The following SSH1 variants were observed in gnomAD, a reference collection of about 807,000 sequenced individuals.
SSH1 encodes slingshot protein phosphatase 1.
In SSH1, 43 loss-of-function variants were observed where a neutral mutation model predicts 79.7. That is an observed-to-expected ratio of 0.54 (90% CI 0.42 to 0.70). The LOEUF is 0.70. Among genes scored for constraint, SSH1 ranks in the 30% least tolerant of loss-of-function variants. The pLI is 0.00. For synonymous variants in SSH1, 599 were observed against 538.3 expected (o/e 1.11, Z -1.56); for missense variants, 1,206 against 1,358.8 (o/e 0.89, Z 1.77).
chr12:108,845,202 AAAAAAAAAAAAGT>A (rs1439407411), intron 2 of SSH1, among the ~76,000 whole-genome samples: 3 of 151,370 alleles, frequency 2.0e-5, no homozygotes, highest in South Asian at 2.1e-4. Flanking sequence ...GAGCAGAAAA[AAAAAAAAAAAAGT>A]AAAAAAAAAA....
intron 5 of SSH1, among the ~76,000 whole-genome samples, chr12:108,814,326 T>C (rs560137531): frequency 2.6e-4 from 39 of 151,768 alleles, no homozygotes; most frequent in Non-Finnish European, 7.4e-5. Flanking sequence ...AAGATGCCCT[T>C]TGGGGGTAAT....
chr12:108,814,867 C>T (rs1055773990), intron 5 of SSH1, among the ~76,000 whole-genome samples: 5 of 151,610 alleles, frequency 3.3e-5, no homozygotes, highest in Non-Finnish European at 2.9e-5. Flanking sequence ...GCCATGGGGG[C>T]GGTGCGGACG....
chr12:108,796,093 T>C (rs1241090510), intron 13 of SSH1, among the ~76,000 whole-genome samples: 1 of 151,974 alleles, frequency 6.6e-6, no homozygotes, highest in Non-Finnish European at 1.5e-5. Flanking sequence ...TTCTTGTATT[T>C]TTAGTAGAGA....
chr12:108,856,113 G>T (rs1237649279), intron 1 of SSH1, among the ~76,000 whole-genome samples: 1 of 152,248 alleles, frequency 6.6e-6, no homozygotes, highest in African/African-American at 2.4e-5. Context: ...CTGGGCCTGG[G>T]ACCGCAGGGC....
At chr12:108,820,419 T>C (rs2038072933) in intron 3 of SSH1, among the ~76,000 whole-genome samples, 1 of 152,190 alleles carries the variant, frequency 6.6e-6, no homozygotes, top group African/African-American at 2.4e-5. Flanking sequence ...GAGCTGGTTC[T>C]TCACCTGCCT....
intron 2 of SSH1, among the ~76,000 whole-genome samples, chr12:108,836,272 T>C (rs997419804): frequency 2.0e-5 from 3 of 152,114 alleles, no homozygotes; most frequent in African/African-American, 7.2e-5. Context: ...TGTGTGTGTA[T>C]GCACGTACAT....
At position 108,809,738 on chromosome 12, in the gene SSH1, G is replaced by T; in HGVS notation, c.491C>A (p.Ala164Glu). Residue 164 changes from alanine to glutamate, a missense_variant, in exon 7 of 15, where the codon GCA becomes GAA. Around this residue, in one of 5 missense-constraint regions of SSH1, gnomAD observed 115 missense variants for 173.9 expected, o/e 0.66. Transcript: ENST00000326495. ...DGDGGFSVST[A>E]GRMHIFKPVS... ...AGGCTTAAATATGTGCATCCTTCCT[G>T]CTGTGCTCACGCTGAACCCACTGAG... 1 of 1,613,962 alleles carries T rather than the reference G, an allele frequency of 6.2e-7. No individual in the cohort carries two copies. Among genetic ancestry groups the T allele is most frequent in the Non-Finnish European group, 8.5e-7 (1 of 1,179,908 alleles).
Position 108,852,631 on chromosome 12 carries a change from T to G in SSH1, c.110+7A>C, listed in dbSNP as rs755964274. On this transcript the variant is annotated splice_region_variant and intron_variant, in intron 2 of 14. Coordinates refer to ENST00000326495, the MANE Select transcript of SSH1 (RefSeq NM_018984.4). ...GACTTAGGAACAAGAATTGAAAGTC[T>G]GCTTACCTGAGGTTTAATTTTCGAT... is the stretch of plus-strand genomic sequence containing the variant. The G allele has an allele frequency of 1.9e-6, 3 of 1,614,154 alleles. No homozygotes were observed. Among genetic ancestry groups the G allele is most frequent in the Non-Finnish European group, 2.5e-6 (3 of 1,179,998 alleles).
At chr12:108,827,677 G>T in intron 2 of SSH1, 1 of 667,656 alleles carries the variant, frequency 1.5e-6, no homozygotes, top group Non-Finnish European at 2.0e-6. Context: ...GTGTGCATTC[G>T]ACATTGTGAG....
At chr12:108,850,640 G>T (rs1250650406) in intron 2 of SSH1, among the ~76,000 whole-genome samples, 9 of 84,130 alleles carry the variant, frequency 1.1e-4, no homozygotes, top group Non-Finnish European at 1.9e-4. Context: ...TTCAGGGAGG[G>T]GAGATGGGAG....
At chr12:108,821,793 T>G (rs1376921617) in intron 3 of SSH1, among the ~76,000 whole-genome samples, 1 of 152,228 alleles carries the variant, frequency 6.6e-6, no homozygotes, top group Non-Finnish European at 1.5e-5. Flanking sequence ...TGACTGAGCC[T>G]TGGTGTTTGC....
intron 2 of SSH1, among the ~76,000 whole-genome samples, chr12:108,836,673 C>T (rs1351089816): frequency 6.6e-6 from 1 of 152,148 alleles, no homozygotes; most frequent in Non-Finnish European, 1.5e-5. Context: ...AAGTATCTCT[C>T]CAAGGAATGC....
At chr12:108,826,667 T>C (rs1470654553) in intron 2 of SSH1, among the ~76,000 whole-genome samples, 4 of 152,294 alleles carry the variant, frequency 2.6e-5, no homozygotes, top group East Asian at 1.9e-4. Context: ...CAGAGCCTCA[T>C]GCGCCCTCTG....
chr12:108,787,206 C>T lies in SSH1; in HGVS notation c.*782G>A, dbSNP rs1206030393. On this transcript the variant is annotated 3_prime_UTR_variant, in exon 15 of 15. Transcript: ENST00000326495. ...TCAACAATGCAGGTGGGCCCTTCCCCTTGAGATTTAAACTTCAGCATTAGC... is the reference window on the plus strand; with the variant it reads ...TCAACAATGCAGGTGGGCCCTTCCCTTTGAGATTTAAACTTCAGCATTAGC... The T allele has an allele frequency of 6.6e-6, 1 of 152,266 alleles. No individual in the cohort carries two copies. The highest frequency in any genetic ancestry group is 1.5e-5 in the Non-Finnish European group (1 of 68,076). 9.4% of individuals were successfully genotyped at this position (152,266 alleles called of 1,614,324 possible).
At chr12:108,826,706 G>A (rs1283676626) in intron 2 of SSH1, among the ~76,000 whole-genome samples, 1 of 152,090 alleles carries the variant, frequency 6.6e-6, no homozygotes, top group East Asian at 1.9e-4. Flanking sequence ...TGTATCTGAC[G>A]ACTGCAGCTT....
At chr12:108,805,287 A>C in intron 9 of SSH1, 103 bp from the exon 10 acceptor site, 6 of 1,358,050 alleles carry the variant, frequency 4.4e-6, no homozygotes, top group Non-Finnish European at 5.1e-6. Flanking sequence ...TTTCCAAAAA[A>C]GGTGGGTGTT....
rs2036263231 is a variant in SSH1, at chr12:108,786,039, G to A, written c.*1949C>T. On this transcript the variant is annotated 3_prime_UTR_variant, in exon 15 of 15. Coordinates refer to ENST00000326495, the MANE Select transcript of SSH1 (RefSeq NM_018984.4). Reference sequence around the variant, plus strand: ...ATCACTCCAAGGAGACAAAGTCCTGGAGGGAGGATTTTTGCAAAAACTGTG... The same window carrying A: ...ATCACTCCAAGGAGACAAAGTCCTGAAGGGAGGATTTTTGCAAAAACTGTG... The A allele has an allele frequency of 6.6e-6, 1 of 152,222 alleles. No homozygotes were observed. The highest frequency in any genetic ancestry group is 2.4e-5 in the African/African-American group (1 of 41,452). The allele number at this position is 152,222 out of a possible 1,614,324, so 9.4% of individuals were successfully genotyped here.
rs752560208 is a variant in SSH1, at chr12:108,817,020, C to A, written c.401+18G>T. The A allele has an allele frequency of 3.1e-6, 5 of 1,613,524 alleles. No individual in the cohort carries two copies. The Admixed American group carries it at 5.0e-5, about 16-fold the overall frequency. On this transcript the variant is annotated intron_variant, in intron 5 of 14. Transcript: ENST00000326495. The stretch of plus-strand genomic sequence containing the variant: ...TTGCCTCCCTCACAGAAGGGAACAC[C>A]TAGCCCATCAGACTCACCTTTCCTT...
intron 3 of SSH1, among the ~76,000 whole-genome samples, chr12:108,822,058 C>T (rs1011693537): frequency 2.0e-5 from 3 of 152,130 alleles, no homozygotes; most frequent in Admixed American, 1.3e-4. Flanking sequence ...ACTTTTTCCT[C>T]TTTCTTTCTT....
Sources: allele counts gnomAD v4.1 joint callset (sites outside exome capture counted in the v4.1 genomes callset), GRCh38; gene constraint gnomAD v4.1.1; regional missense constraint gnomAD v4.1.1; transcripts MANE v1.5; gene names NCBI Gene and HGNC (gene_info 2026-07-23, HGNC 2026-07-21).